The following FILIP1L variants were observed in gnomAD, a reference collection of about 807,000 sequenced individuals.
FILIP1L encodes filamin A interacting protein 1 like.
In FILIP1L, 55 loss-of-function variants were observed where a neutral mutation model predicts 96.6. That is an observed-to-expected ratio of 0.57 (90% CI 0.46 to 0.71). FILIP1L has a LOEUF of 0.71. Among genes scored for constraint, FILIP1L ranks in the 30% least tolerant of loss-of-function variants. The probability of loss-of-function intolerance (pLI) is 0.00; values close to 1 mark genes in which losing one functional copy is unlikely to be tolerated. For missense variants in FILIP1L, 1,304 were observed against 1,321.2 expected (o/e 0.99, Z 0.20); for synonymous variants, 467 against 473.9 (o/e 0.99, Z 0.19).
At chr3:100,051,749 C>CG (rs2065377273) in intron 1 of FILIP1L, among the ~76,000 whole-genome samples, 1 of 151,394 alleles carries the variant, frequency 6.6e-6, no homozygotes, top group Admixed American at 6.6e-5. Flanking sequence ...TTAATCTAGT[C>CG]GATCATTGTT....
At chr3:99,972,516 G>A (rs887697795) in intron 1 of FILIP1L, among the ~76,000 whole-genome samples, 25 of 152,074 alleles carry the variant, frequency 1.6e-4, no homozygotes, top group African/African-American at 4.8e-4. Context: ...TTGGTGACAC[G>A]GCCTCATTTT....
At position 99,848,582 on chromosome 3, in the gene FILIP1L, A is replaced by G. The variant is rs1307762138; in HGVS notation, c.3094T>C (p.Phe1032Leu). The G allele has an allele frequency of 1.2e-6, 2 of 1,614,168 alleles. No individual in the cohort carries two copies. The highest frequency in any genetic ancestry group is 1.7e-6 in the Non-Finnish European group (2 of 1,180,032). Residue 1032 changes from phenylalanine (F) to leucine (L), a missense_variant, in exon 5 of 6, where the codon TTC becomes CTC. Coordinates refer to ENST00000477258, the MANE Select transcript of FILIP1L (RefSeq NM_001387850.1). ...PTEISAKHAI[F>L]RVSPDRQSSW... ...GACTGCCGGTCTGGGGAGACTCTGAATATCGCATGCTTGGCACTGATTTCT... is the reference window on the plus strand; with the variant it reads ...GACTGCCGGTCTGGGGAGACTCTGAGTATCGCATGCTTGGCACTGATTTCT...
chr3:99,847,770 C>G (rs987846861), intron 5 of FILIP1L, among the ~76,000 whole-genome samples: 1 of 152,146 alleles, frequency 6.6e-6, no homozygotes, highest in Non-Finnish European at 1.5e-5. Flanking sequence ...CCACTTTTCT[C>G]TCCTCTAATA....
intron 1 of FILIP1L, among the ~76,000 whole-genome samples, chr3:100,060,625 C>T (rs1167251137): frequency 6.6e-6 from 1 of 152,044 alleles, no homozygotes; most frequent in African/African-American, 2.4e-5. Context: ...GAGGCTGAAG[C>T]AGACAGATAC....
chr3:99,913,774 GC>G (rs1706867909), intron 4 of FILIP1L, among the ~76,000 whole-genome samples: 1 of 152,198 alleles, frequency 6.6e-6, no homozygotes, highest in South Asian at 2.1e-4. Context: ...GTGTGAAAAA[GC>G]TGTGAGTTGG....
At chr3:100,042,905 G>A (rs1243050269) in intron 1 of FILIP1L, among the ~76,000 whole-genome samples, 1 of 152,206 alleles carries the variant, frequency 6.6e-6, no homozygotes, top group Non-Finnish European at 1.5e-5. Flanking sequence ...GACAACTAGG[G>A]CAAATGTAAC....
chr3:100,008,243 C>T (rs994219866), intron 1 of FILIP1L, among the ~76,000 whole-genome samples: 3 of 152,078 alleles, frequency 2.0e-5, no homozygotes, highest in Admixed American at 2.0e-4. Context: ...GTAACTACTC[C>T]ACCCCTGCTT....
chr3:99,925,768 G>A (rs1432822491), intron 3 of FILIP1L: 13 of 741,302 alleles, frequency 1.8e-5, no homozygotes, highest in Non-Finnish European at 2.1e-5. Flanking sequence ...AAGTGGAGGT[G>A]ACCTCATAAA....
intron 4 of FILIP1L, among the ~76,000 whole-genome samples, chr3:99,903,542 G>A (rs780251147): frequency 1.3e-5 from 2 of 152,094 alleles, no homozygotes; most frequent in African/African-American, 2.4e-5. Context: ...GAGCCACCGC[G>A]CCCGGCCATG....
intron 1 of FILIP1L, among the ~76,000 whole-genome samples, chr3:99,951,805 A>G (rs1708185341): frequency 6.6e-6 from 1 of 152,200 alleles, no homozygotes; most frequent in Non-Finnish European, 1.5e-5. Context: ...TTTCTGCCAC[A>G]ACTACTCAAA....
intron 1 of FILIP1L, among the ~76,000 whole-genome samples, chr3:100,082,100 T>C (rs1559751369): frequency 6.6e-6 from 1 of 152,186 alleles, no homozygotes; most frequent in Non-Finnish European, 1.5e-5. Context: ...TCCTAGACAT[T>C]TTTAGTTCAG....
chr3:99,861,478 T>G (rs140970947), intron 4 of FILIP1L, among the ~76,000 whole-genome samples: 2 of 152,346 alleles, frequency 1.3e-5, no homozygotes, highest in East Asian at 3.9e-4. Flanking sequence ...GTGCTCCTCC[T>G]GGGCTTGTCC....
intron 1 of FILIP1L, among the ~76,000 whole-genome samples, chr3:100,033,999 A>G (rs2065064230): frequency 1.3e-5 from 2 of 152,338 alleles, no homozygotes; most frequent in South Asian, 4.1e-4. Context: ...GACACACAGT[A>G]TGGTTATTTG....
At chr3:99,873,441 C>A (rs1368788488) in intron 4 of FILIP1L, among the ~76,000 whole-genome samples, 1 of 152,150 alleles carries the variant, frequency 6.6e-6, no homozygotes, top group African/African-American at 2.4e-5. Flanking sequence ...CCACAATATC[C>A]AGTCTTTTAT....
rs538618318 is a variant in FILIP1L, at chr3:100,033,019, T to C, written c.-11+81034A>G. ...CATATCCCCCTCACATGAAAGTTAGTGTGGTTTCCACTCTACTGTTACCAT... is the reference window on the plus strand; with the variant it reads ...CATATCCCCCTCACATGAAAGTTAGCGTGGTTTCCACTCTACTGTTACCAT... On this transcript the variant is annotated intron_variant, in intron 1 of 5. Transcript: ENST00000477258. 1.1e-4 allele frequency among the ~76,000 whole-genome samples: 16 copies of C among 152,016 alleles called. No homozygotes were observed. The East Asian group carries it at 3.1e-3, about 29-fold the overall frequency.
intron 3 of FILIP1L, 124 bp downstream of exon 3, chr3:99,929,732 T>G: frequency 1.6e-6 from 1 of 627,306 alleles, no homozygotes. Context: ...ATCTGTTTTG[T>G]GTAGGCTTTA....
At chr3:99,963,757 A>C (rs1708563359) in intron 1 of FILIP1L, among the ~76,000 whole-genome samples, 1 of 152,000 alleles carries the variant, frequency 6.6e-6, no homozygotes, top group African/African-American at 2.4e-5. Context: ...GCTGGGGATT[A>C]CAGGCACACG....
intron 1 of FILIP1L, among the ~76,000 whole-genome samples, chr3:100,111,045 T>C (rs1215246223): frequency 6.6e-6 from 1 of 152,188 alleles, no homozygotes; most frequent in East Asian, 1.9e-4. Flanking sequence ...AGGAGTCAAT[T>C]CAGAGCTTTA....
chr3:100,054,697 C>G (rs1426286334), intron 1 of FILIP1L, among the ~76,000 whole-genome samples: 1 of 152,112 alleles, frequency 6.6e-6, no homozygotes, highest in Admixed American at 6.5e-5. Context: ...ACTGATTTCC[C>G]TTCCCTCTGG....
Sources: gnomAD v4.1 joint callset for allele counts (sites outside exome capture counted in the v4.1 genomes callset) on GRCh38, gnomAD v4.1.1 for gene constraint, MANE v1.5 for transcripts, NCBI Gene and HGNC (gene_info 2026-07-23, HGNC 2026-07-21) for gene names.